The following AQP2 variants were observed in gnomAD, a reference collection of about 807,000 sequenced individuals.
The protein encoded by AQP2 is aquaporin-2.
AQP2 carries 20 observed loss-of-function variants against 21.6 expected under a neutral mutation model. The observed-to-expected ratio is 0.92, with a 90% CI of 0.65 to 1.34. AQP2 has a LOEUF of 1.34. AQP2 is among the 40% of genes most tolerant of loss of function. The probability of loss-of-function intolerance (pLI) is 0.00; values close to 1 mark genes in which losing one functional copy is unlikely to be tolerated. For missense variants in AQP2, 325 were observed against 363.4 expected (o/e 0.89, Z 0.86); for synonymous variants, 168 against 166.9 (o/e 1.01, Z -0.05).
intron 1 of AQP2, chr12:49,951,665 C>T (rs1427277551): frequency 6.2e-6 from 1 of 160,032 alleles, no homozygotes; most frequent in Non-Finnish European, 1.4e-5. Flanking sequence ...GGACACACCA[C>T]AGCCCTGCAA....
Position 49,955,497 on chromosome 12 carries a change from A to G in AQP2, c.705A>G (p.Ala235=), listed in dbSNP as rs1565637173. 1 of 1,612,784 alleles carries G rather than the reference A, an allele frequency of 6.2e-7. No individual in the cohort carries two copies. Among genetic ancestry groups the G allele is most frequent in the East Asian group, 2.2e-5 (1 of 44,872 alleles). Residue 235 remains alanine (A), a synonymous_variant, in exon 4 of 4, where the codon GCA becomes GCG. Transcript: ENST00000199280. ...PPAKSLSERL[A]VLKGLEPDTD... is the part of the protein sequence containing the mutation. ...CCAAGAGCCTGTCGGAGCGCCTGGC[A>G]GTGCTGAAGGGCCTGGAGCCGGACA...
Position 49,951,005 on chromosome 12 carries a change from C to T in AQP2, c.175C>T (p.Leu59=). The T allele has an allele frequency of 6.2e-7, 1 of 1,614,126 alleles. No homozygotes were observed. The highest frequency in any genetic ancestry group is 1.1e-5 in the South Asian group (1 of 91,090). ...GLGIGTLVQA[L]GHISGAHINP... ...GGGTATTGGCACCCTGGTACAGGCTCTGGGCCACATAAGCGGGGCCCACAT... is the reference window on the plus strand; with the variant it reads ...GGGTATTGGCACCCTGGTACAGGCTTTGGGCCACATAAGCGGGGCCCACAT... Residue 59 remains leucine (L), a synonymous_variant, in exon 1 of 4, where the codon CTG becomes TTG. Transcript: ENST00000199280.
rs562253298 is a variant in AQP2 at position 49,953,391 on chromosome 12, C to T, written c.361-764C>T. Among the ~76,000 whole-genome samples, 149 of 152,290 alleles carry T rather than the reference C, an allele frequency of 9.8e-4. 1 individual carries two copies. Among genetic ancestry groups the T allele is most frequent in the African/African-American group, 3.3e-3 (139 of 41,560 alleles). ...CCAAGGAGAAATCCAGTGCTGGGTG[C>T]GGCCCAGTTATGAAATCACCTCTTT... On this transcript the variant is annotated intron_variant, in intron 1 of 3. Transcript: ENST00000199280.
rs144891220 is a variant in AQP2, at chr12:49,954,172, G to A, written c.378G>A (p.Thr126=). The change falls in exon 2 of 4, where the codon ACG becomes ACA. Residue 126 remains threonine, a synonymous_variant. Transcript: ENST00000199280. ...GTCCCCAGCTCAGCAACAGCACGACGGCTGGCCAGGCGGTGACTGTGGAGC... is the reference window on the plus strand; with the variant it reads ...GTCCCCAGCTCAGCAACAGCACGACAGCTGGCCAGGCGGTGACTGTGGAGC... ...LAVNALSNST[T]AGQAVTVELF... 84 of 1,599,640 alleles carry A rather than the reference G, an allele frequency of 5.3e-5. No homozygotes were observed. In the African/African-American group the frequency reaches 5.5e-4, roughly 10 times the overall value.
chr12:49,955,461 G>A lies in AQP2; in HGVS notation c.669G>A (p.Leu223=), dbSNP rs769251242. 6.2e-7 allele frequency: 1 copy of A among 1,612,844 alleles called. No homozygotes were observed. The highest frequency in any genetic ancestry group is 1.1e-5 in the South Asian group (1 of 91,082). ...GCTCCCTCCTCTACAACTACGTGCT[G>A]TTTCCGCCAGCCAAGAGCCTGTCGG... The part of the protein sequence containing the change: ...ILGSLLYNYV[L]FPPAKSLSER... Residue 223 remains leucine (L), a synonymous_variant, in exon 4 of 4, where the codon CTG becomes CTA. Coordinates refer to ENST00000199280, the MANE Select transcript of AQP2 (RefSeq NM_000486.6).
Position 49,954,080 on chromosome 12 carries a change from C to T in AQP2, c.361-75C>T, listed in dbSNP as rs889249165. 66 of 1,582,310 alleles carry T rather than the reference C, an allele frequency of 4.2e-5. 1 individual carries two copies. In the Admixed American group the frequency reaches 1.0e-3, roughly 25 times the overall value. ...CAGAGGCCCCCTGGTGCCTCGACTG[C>T]AGGTGGACAGGAAGATGGAGCCAGA... On this transcript the variant is annotated intron_variant, in intron 1 of 3. Transcript: ENST00000199280.
chr12:49,955,407 G>T lies in AQP2; in HGVS notation c.615G>T (p.Trp205Cys). 6.2e-7 allele frequency: 1 copy of T among 1,612,446 alleles called. No individual in the cohort carries two copies. The highest frequency in any genetic ancestry group is 8.5e-7 in the Non-Finnish European group (1 of 1,179,676). Residue 205 changes from tryptophan (W) to cysteine (C), a missense_variant, in exon 4 of 4, where the codon TGG becomes TGT. Transcript: ENST00000199280. ...TGKFDDHWVF[W>C]IGPLVGAILG... is the part of the protein sequence containing the mutation. ...TCTCCGCTCGCCCCCAGGTCTTCTG[G>T]ATCGGACCCCTGGTGGGCGCCATCC...
In AQP2 at chr12:49,955,146, T is replaced by C. The variant is rs439779; in HGVS notation, c.607-253T>C. On this transcript the variant is annotated intron_variant, in intron 3 of 3. Coordinates refer to ENST00000199280, the MANE Select transcript of AQP2 (RefSeq NM_000486.6). ...GGCACAGAGAGGGTAAGTAACTTGT[T>C]GAAGTGCACACAGCACTTAAGTGGT... Among the ~76,000 whole-genome samples the C allele has an allele frequency of 0.71, 108,110 of 152,172 alleles. 40,129 individuals are homozygous for C. Among genetic ancestry groups the C allele is most frequent in the Admixed American group, 0.82 (12,528 of 15,296 alleles).
intron 1 of AQP2, among the ~76,000 whole-genome samples, chr12:49,952,316 A>G (rs1244443611): frequency 6.6e-6 from 1 of 151,970 alleles, no homozygotes; most frequent in Non-Finnish European, 1.5e-5. Context: ...CCACGTTGGT[A>G]AGGCTGGTTT....
Position 49,955,354 on chromosome 12 carries a change from C to T in AQP2, c.607-45C>T, listed in dbSNP as rs143516257. ...GCCGGGGCCTGCGGGCTCCGCGTGC[C>T]GGTGCCGGCGCGGGTGCCAAGCCGC... is the stretch of plus-strand genomic sequence containing the variant. On this transcript the variant is annotated intron_variant, in intron 3 of 3. Coordinates refer to ENST00000199280, the MANE Select transcript of AQP2 (RefSeq NM_000486.6). The T allele has an allele frequency of 5.5e-5, 88 of 1,592,014 alleles. No homozygotes were observed. The African/African-American group carries it at 1.0e-3, about 18-fold the overall frequency.
rs1382275330 is a variant in AQP2 at position 49,956,356 on chromosome 12, G to C, written c.*748G>C. On this transcript the variant is annotated 3_prime_UTR_variant, in exon 4 of 4. Transcript: ENST00000199280. ...GCCAAGACTCATTGCTGGAGGTAGA[G>C]AGGTGTCAACCAGAGAACAGCTCCC... 6.6e-6 allele frequency: 1 copy of C among 152,316 alleles called. No homozygotes were observed. Among genetic ancestry groups the C allele is most frequent in the Non-Finnish European group, 1.5e-5 (1 of 68,122 alleles). The allele number at this position is 152,316 out of a possible 1,614,324, so 9.4% of individuals were successfully genotyped here. A position where few individuals can be genotyped will look rare whatever the true frequency, so the allele number is the denominator to read the frequency against.
At chr12:49,954,366 C>G (rs997840799) in intron 2 of AQP2, 47 bp downstream of exon 2, 5 of 1,563,388 alleles carry the variant, frequency 3.2e-6, no homozygotes, top group African/African-American at 1.3e-5. Context: ...AACAGACACA[C>G]AGACCACTCC....
intron 1 of AQP2, 35 bp from the exon 2 acceptor site, chr12:49,954,120 C>T (rs757947605): frequency 6.3e-7 from 1 of 1,597,260 alleles, no homozygotes; most frequent in Admixed American, 1.7e-5. Context: ...AAAGTGGGCT[C>T]AGTGTTCCCC....
At position 49,958,221 on chromosome 12, in the gene AQP2, C is replaced by T. The variant is rs376235969; in HGVS notation, c.*2613C>T. 3 of 152,260 alleles carry T rather than the reference C, an allele frequency of 2.0e-5. No homozygotes were observed. The highest frequency in any genetic ancestry group is 3.8e-4 in the East Asian group (2 of 5,204). The allele number at this position is 152,260 out of a possible 1,614,324, so 9.4% of individuals were successfully genotyped here. On this transcript the variant is annotated 3_prime_UTR_variant, in exon 4 of 4. Coordinates refer to ENST00000199280, the MANE Select transcript of AQP2 (RefSeq NM_000486.6). ...TCGTCCCCTGTGATTATCTCCCAAC[C>T]CCGTGACAAAGGTAGAGCAAATATT...
chr12:49,953,846 G>A (rs771482766), intron 1 of AQP2, among the ~76,000 whole-genome samples: 26 of 152,208 alleles, frequency 1.7e-4, no homozygotes, highest in East Asian at 1.9e-4. Flanking sequence ...CAGAAATTCC[G>A]GATCTCAGCA....
Position 49,955,437 on chromosome 12 carries a change from C to T in AQP2, c.645C>T (p.Gly215=). ...WIGPLVGAIL[G]SLLYNYVLFP... ...GACCCCTGGTGGGCGCCATCCTGGG[C>T]TCCCTCCTCTACAACTACGTGCTGT... The change falls in exon 4 of 4, where the codon GGC becomes GGT. Residue 215 remains glycine, a synonymous_variant. Coordinates refer to ENST00000199280, the MANE Select transcript of AQP2 (RefSeq NM_000486.6). 6.2e-7 allele frequency: 1 copy of T among 1,612,794 alleles called. No homozygotes were observed. Among genetic ancestry groups the T allele is most frequent in the Non-Finnish European group, 8.5e-7 (1 of 1,179,810 alleles).
chr12:49,955,208 C>G (rs1482309520), intron 3 of AQP2, among the ~76,000 whole-genome samples, 191 bp from the exon 4 acceptor site: 1 of 152,210 alleles, frequency 6.6e-6, no homozygotes, highest in Non-Finnish European at 1.5e-5. Context: ...CTTCAGAATT[C>G]GCACCCTTAA....
intron 2 of AQP2, 33 bp from the exon 3 acceptor site, chr12:49,954,597 C>G: frequency 1.2e-6 from 2 of 1,610,996 alleles, no homozygotes; most frequent in Non-Finnish European, 1.7e-6. Flanking sequence ...TCCTCACCTC[C>G]CTTCTCTCTT....
At chr12:49,954,061 C>G in intron 1 of AQP2, 94 bp from the exon 2 acceptor site, 1 of 1,534,590 alleles carries the variant, frequency 6.5e-7, no homozygotes, top group Non-Finnish European at 8.9e-7. Context: ...AGCCCAGAGG[C>G]CCCCTGGTGC....
Sources: allele counts gnomAD v4.1 joint callset (sites outside exome capture counted in the v4.1 genomes callset), GRCh38; gene constraint gnomAD v4.1.1; transcripts MANE v1.5; gene names NCBI Gene and HGNC (gene_info 2026-07-23, HGNC 2026-07-21).